BEND4: variants seen among roughly 807,000 people sequenced by gnomAD.
BEND4 encodes BEN domain containing 4, also known as BEN domain-containing protein 4.
A neutral mutation model predicts 54.7 loss-of-function variants in BEND4; 27 were observed. The observed-to-expected ratio is 0.49, with a 90% CI of 0.36 to 0.68. The LOEUF (loss-of-function observed/expected upper bound fraction) is 0.68. Among genes scored for constraint, BEND4 ranks in the 30% least tolerant of loss-of-function variants. BEND4 has a pLI of 0.00. For synonymous variants in BEND4, 327 were observed against 299.5 expected (o/e 1.09, Z -0.95); for missense variants, 702 against 697.2 (o/e 1.01, Z -0.08).
At chr4:42,136,118 C>T (rs1268402552) in intron 3 of BEND4, among the ~76,000 whole-genome samples, 1 of 152,180 alleles carries the variant, frequency 6.6e-6, no homozygotes, top group Non-Finnish European at 1.5e-5. Context: ...TCAGAGCCCC[C>T]ACTTTACATA....
chr4:42,122,947 A>G (rs1017273844), intron 4 of BEND4, among the ~76,000 whole-genome samples: 1 of 152,142 alleles, frequency 6.6e-6, no homozygotes, highest in African/African-American at 2.4e-5. Context: ...CTATTTCAAG[A>G]TGGGATGGAC....
chr4:42,150,323 A>G (rs1221381821), intron 2 of BEND4, among the ~76,000 whole-genome samples: 5 of 150,288 alleles, frequency 3.3e-5, no homozygotes, highest in African/African-American at 1.3e-4. Context: ...CCCACAAACA[A>G]TAAGGAAGTC....
At chr4:42,138,027 C>T (rs1249319860) in intron 3 of BEND4, among the ~76,000 whole-genome samples, 1 of 152,100 alleles carries the variant, frequency 6.6e-6, no homozygotes. Flanking sequence ...TTATGGAAAA[C>T]AGTATTGGAA....
chr4:42,141,656 G>A (rs1418528827), intron 3 of BEND4, among the ~76,000 whole-genome samples: 4 of 152,104 alleles, frequency 2.6e-5, no homozygotes, highest in Non-Finnish European at 4.4e-5. Context: ...CAGGAGAATC[G>A]CTTGAACTCA....
chr4:42,115,827 TGAA>T lies in BEND4; in HGVS notation c.*1688_*1690del, dbSNP rs1250541456. Reference sequence around the variant, plus strand: ...TTAGCTAATTTGCCCCAAATAGAATTGAATATTGGTTCTCCCTATTCCATTGAA... The same window carrying T: ...TTAGCTAATTTGCCCCAAATAGAATTTATTGGTTCTCCCTATTCCATTGAA... On this transcript the variant is annotated 3_prime_UTR_variant, in exon 6 of 6. Coordinates refer to ENST00000502486, the MANE Select transcript of BEND4 (RefSeq NM_207406.4). The T allele has an allele frequency of 6.7e-6, 1 of 149,536 alleles. No individual in the cohort carries two copies. Among genetic ancestry groups the T allele is most frequent in the Non-Finnish European group, 1.5e-5 (1 of 67,922 alleles). 9.3% of individuals were successfully genotyped at this position (149,536 alleles called of 1,614,324 possible).
At chr4:42,133,461 A>G (rs1240108540) in intron 3 of BEND4, among the ~76,000 whole-genome samples, 1 of 152,208 alleles carries the variant, frequency 6.6e-6, no homozygotes, top group African/African-American at 2.4e-5. Context: ...TAACTCTTGG[A>G]TACTATTATT....
chr4:42,135,935 G>A (rs1720682470), intron 3 of BEND4, among the ~76,000 whole-genome samples: 2 of 152,162 alleles, frequency 1.3e-5, no homozygotes, highest in African/African-American at 4.8e-5. Flanking sequence ...CTTTGACTCC[G>A]AATCCATTCT....
intron 4 of BEND4, among the ~76,000 whole-genome samples, chr4:42,120,533 T>G (rs1306501008): frequency 6.6e-6 from 1 of 152,222 alleles, no homozygotes; most frequent in Non-Finnish European, 1.5e-5. Context: ...GGGGAGCTAT[T>G]TATAACTTAC....
rs1485728446 is a variant in BEND4, at chr4:42,111,740, A to G, written c.*5778T>C. The G allele has an allele frequency of 2.0e-5, 3 of 152,222 alleles. No individual in the cohort carries two copies. The highest frequency in any genetic ancestry group is 4.8e-5 in the African/African-American group (2 of 41,452). The allele number at this position is 152,222 out of a possible 1,614,324, so 9.4% of individuals were successfully genotyped here. A position where few individuals can be genotyped will look rare whatever the true frequency, so the allele number is the denominator to read the frequency against. On this transcript the variant is annotated 3_prime_UTR_variant, in exon 6 of 6. Coordinates refer to ENST00000502486, the MANE Select transcript of BEND4 (RefSeq NM_207406.4). Reference sequence around the variant, plus strand: ...TAAAGCTACAAAGACACAAACGTGAAAAGTGAATTGAACGTTGGCTACCTG... The same window carrying G: ...TAAAGCTACAAAGACACAAACGTGAGAAGTGAATTGAACGTTGGCTACCTG...
At chr4:42,122,411 G>C (rs1380125742) in intron 4 of BEND4, among the ~76,000 whole-genome samples, 1 of 152,196 alleles carries the variant, frequency 6.6e-6, no homozygotes, top group Non-Finnish European at 1.5e-5. Context: ...TCTCAGGGTG[G>C]AGTACAGCTC....
rs115015913 is a variant in BEND4 at position 42,123,382 on chromosome 4, T to G, written c.1146+2201A>C. Among the ~76,000 whole-genome samples, 5 of 152,246 alleles carry G rather than the reference T, an allele frequency of 3.3e-5. No individual in the cohort carries two copies. The East Asian group carries it at 7.8e-4, about 24-fold the overall frequency. ...TTAGCCACCCACAGGTTATTAAACA[T>G]TGACCTATTGTTGAGTCACTGAAAA... On this transcript the variant is annotated intron_variant, in intron 4 of 5. Transcript: ENST00000502486.
intron 4 of BEND4, among the ~76,000 whole-genome samples, chr4:42,122,710 T>A (rs1408997809): frequency 6.6e-6 from 1 of 152,218 alleles, no homozygotes; most frequent in Non-Finnish European, 1.5e-5. Flanking sequence ...TAAAAAAGAC[T>A]GTCTAGCTGC....
chr4:42,113,551 T>C lies in BEND4; in HGVS notation c.*3967A>G, dbSNP rs1395008274. On this transcript the variant is annotated 3_prime_UTR_variant, in exon 6 of 6. Transcript: ENST00000502486. ...AATGTAGGAATCATAAACCTACAGA[T>C]TCGAAGTCTGGGTTATTGCCTAATT... The C allele has an allele frequency of 6.6e-6, 1 of 152,194 alleles. No homozygotes were observed. The highest frequency in any genetic ancestry group is 2.4e-5 in the African/African-American group (1 of 41,448). The allele number at this position is 152,194 out of a possible 1,614,324, so 9.4% of individuals were successfully genotyped here.
chr4:42,151,573 G>A lies in BEND4; in HGVS notation c.487+84C>T. 4 of 1,345,340 alleles carry A rather than the reference G, an allele frequency of 3.0e-6. No homozygotes were observed. The South Asian group carries it at 5.1e-5, about 17-fold the overall frequency. The allele number at this position is 1,345,340 out of a possible 1,614,324, so 83.3% of individuals were successfully genotyped here. A position where few individuals can be genotyped will look rare whatever the true frequency, so the allele number is the denominator to read the frequency against. On this transcript the variant is annotated intron_variant, in intron 2 of 5. Coordinates refer to ENST00000502486, the MANE Select transcript of BEND4 (RefSeq NM_207406.4). ...ACACGGCCCAGCACGGGTAAGTGTC[G>A]GCGGCCCCCCGCTTCTCCTTCCTGG...
At chr4:42,120,413 C>CA in intron 4 of BEND4, 119 bp from the exon 5 acceptor site, 1 of 1,301,676 alleles carries the variant, frequency 7.7e-7, no homozygotes, top group Non-Finnish European at 1.1e-6. Context: ...GACAATGAAC[C>CA]AGGTATTGAA....
At chr4:42,130,372 CG>C (rs1193989993) in intron 3 of BEND4, among the ~76,000 whole-genome samples, 1 of 149,380 alleles carries the variant, frequency 6.7e-6, no homozygotes, top group Non-Finnish European at 1.5e-5. Flanking sequence ...CCCAGCTACT[CG>C]GGAGGCTGAG....
rs60899961 is a variant in BEND4 at position 42,152,595 on chromosome 4, T to C, written c.-297A>G. ...CCGGGATCTGGCTACGGCGAGACTT[T>C]AGAGACCCAGATGTGGACTCGAGGC... On this transcript the variant is annotated 5_prime_UTR_variant, in exon 1 of 6. Coordinates refer to ENST00000502486, the MANE Select transcript of BEND4 (RefSeq NM_207406.4). The C allele has an allele frequency of 0.026, 3,933 of 153,558 alleles. 142 individuals carry two copies. Among genetic ancestry groups the C allele is most frequent in the African/African-American group, 0.074 (3,069 of 41,384 alleles). The allele number at this position is 153,558 out of a possible 1,614,324, so 9.5% of individuals were successfully genotyped here. A position where few individuals can be genotyped will look rare whatever the true frequency, so the allele number is the denominator to read the frequency against.
intron 3 of BEND4, among the ~76,000 whole-genome samples, chr4:42,132,061 G>A (rs1560579044): frequency 6.6e-6 from 1 of 152,234 alleles, no homozygotes; most frequent in Non-Finnish European, 1.5e-5. Context: ...GGTGCGTCTA[G>A]AAAAGTGGGA....
At position 42,113,821 on chromosome 4, in the gene BEND4, AAT is replaced by A. The variant is rs1719682098; in HGVS notation, c.*3695_*3696del. ...ACTCTACAGCCGTGAAGTAGCTACA[AAT>A]ATGTCTCGAATCCCCTACAAAAGGA... On this transcript the variant is annotated 3_prime_UTR_variant, in exon 6 of 6. Transcript: ENST00000502486. The A allele has an allele frequency of 6.6e-6, 1 of 152,218 alleles. No homozygotes were observed. The highest frequency in any genetic ancestry group is 1.5e-5 in the Non-Finnish European group (1 of 68,052). The allele number at this position is 152,218 out of a possible 1,614,324, so 9.4% of individuals were successfully genotyped here. A position where few individuals can be genotyped will look rare whatever the true frequency, so the allele number is the denominator to read the frequency against.
Sources: gnomAD v4.1 joint callset for allele counts (sites outside exome capture counted in the v4.1 genomes callset) on GRCh38, gnomAD v4.1.1 for gene constraint, MANE v1.5 for transcripts, NCBI Gene and HGNC (gene_info 2026-07-23, HGNC 2026-07-21) for gene names.